XKR4: variants seen among roughly 807,000 people sequenced by gnomAD.
XKR4 encodes the protein XK-related protein 4.
A neutral mutation model predicts 53.9 loss-of-function variants in XKR4; 12 were observed. The observed-to-expected ratio is 0.22, with a 90% CI of 0.14 to 0.36. XKR4 has a LOEUF of 0.36. Among genes scored for constraint, XKR4 ranks in the 10% least tolerant of loss-of-function variants. The pLI is 1.00. For synonymous variants in XKR4, 354 were observed against 362.4 expected, an observed-to-expected ratio of 0.98 and a Z score of 0.26; for missense variants, 799 against 859.5, an observed-to-expected ratio of 0.93 and a Z score of 0.88.
intron 1 of XKR4, among the ~76,000 whole-genome samples, chr8:55,326,841 G>T (rs1803302436): frequency 6.6e-6 from 1 of 151,690 alleles, no homozygotes; most frequent in Non-Finnish European, 1.5e-5. Context: ...GATTATATTT[G>T]AGTTTTTATG....
At chr8:55,239,352 C>G (rs976356716) in intron 1 of XKR4, among the ~76,000 whole-genome samples, 1 of 152,172 alleles carries the variant, frequency 6.6e-6, no homozygotes, top group African/African-American at 2.4e-5. Flanking sequence ...ATCAATAAAG[C>G]CTGTGCTCAA....
At chr8:55,123,584 G>C (rs1816421328) in intron 1 of XKR4, among the ~76,000 whole-genome samples, 1 of 152,196 alleles carries the variant, frequency 6.6e-6, no homozygotes, top group Admixed American at 6.5e-5. Flanking sequence ...CTCAGGAGCA[G>C]CTATCCACTG....
chr8:55,351,150 A>G (rs1027495525), intron 1 of XKR4, among the ~76,000 whole-genome samples: 7 of 152,236 alleles, frequency 4.6e-5, no homozygotes, highest in African/African-American at 1.7e-4. Flanking sequence ...TAAAATAATT[A>G]GGACGGTAAA....
chr8:55,162,573 C>A (rs190658470), intron 1 of XKR4, among the ~76,000 whole-genome samples: 226 of 152,228 alleles, frequency 1.5e-3, no homozygotes, highest in African/African-American at 5.2e-3. Flanking sequence ...ACATACTAGT[C>A]GTTGAATAAA....
intron 2 of XKR4, chr8:55,450,170 G>A: frequency 1.5e-6 from 1 of 669,824 alleles, no homozygotes; most frequent in Non-Finnish European, 2.7e-6. Context: ...GCGTCAGGCT[G>A]GGCTCGGGGG....
chr8:55,527,829 C>A lies in XKR4; in HGVS notation c.*3602C>A, dbSNP rs115763795. 4.9e-3 allele frequency: 744 copies of A among 152,264 alleles called. 7 individuals carry two copies. Among genetic ancestry groups the A allele is most frequent in the African/African-American group, 0.016 (685 of 41,552 alleles). The allele number at this position is 152,264 out of a possible 1,614,324, so 9.4% of individuals were successfully genotyped here. On this transcript the variant is annotated 3_prime_UTR_variant, in exon 3 of 3. Coordinates refer to ENST00000327381, the MANE Select transcript of XKR4 (RefSeq NM_052898.2). ...AAATGAAGTATTTTATGGTTAATTT[C>A]TAAATGCCCAATTTATTTTGCTCTA...
At chr8:55,411,278 A>G (rs1204208210) in intron 2 of XKR4, among the ~76,000 whole-genome samples, 2 of 152,144 alleles carry the variant, frequency 1.3e-5, no homozygotes, top group African/African-American at 4.8e-5. Context: ...GACCTGAGAG[A>G]TGAGGATCAT....
At chr8:55,309,705 C>T (rs189085814) in intron 1 of XKR4, among the ~76,000 whole-genome samples, 1 of 152,280 alleles carries the variant, frequency 6.6e-6, no homozygotes, top group Non-Finnish European at 1.5e-5. Context: ...TACAAGAGAT[C>T]TCTGTATCAC....
At chr8:55,410,668 G>A (rs368084401) in intron 2 of XKR4, among the ~76,000 whole-genome samples, 20 of 149,112 alleles carry the variant, frequency 1.3e-4, no homozygotes, top group Non-Finnish European at 2.4e-4. Context: ...CCTCTCCCCC[G>A]GGACCCTGAT....
chr8:55,166,111 G>T (rs1177137976), intron 1 of XKR4, among the ~76,000 whole-genome samples: 1 of 152,188 alleles, frequency 6.6e-6, no homozygotes, highest in Non-Finnish European at 1.5e-5. Context: ...TGCAAATGAG[G>T]TGGGGGAGGG....
At chr8:55,164,293 G>C in intron 1 of XKR4, 1 of 456,020 alleles carries the variant, frequency 2.2e-6, no homozygotes, top group South Asian at 1.6e-5. Context: ...CATTCTCCTA[G>C]TGGGCAGGAT....
At chr8:55,147,954 T>C (rs894623979) in intron 1 of XKR4, among the ~76,000 whole-genome samples, 4 of 152,168 alleles carry the variant, frequency 2.6e-5, no homozygotes. Context: ...GACAAGACTC[T>C]TGGACTCTCA....
intron 1 of XKR4, among the ~76,000 whole-genome samples, chr8:55,163,779 AG>A (rs1449785021): frequency 6.6e-6 from 1 of 152,208 alleles, no homozygotes; most frequent in Admixed American, 6.5e-5. Context: ...CAGGAGGCAT[AG>A]GTTGCAGTGA....
intron 1 of XKR4, among the ~76,000 whole-genome samples, chr8:55,314,450 G>A (rs920576403): frequency 1.3e-5 from 2 of 152,126 alleles, no homozygotes; most frequent in African/African-American, 2.4e-5. Context: ...AGGAACAGCA[G>A]GAGAGGCCAC....
At chr8:55,436,114 T>C (rs1207950250) in intron 2 of XKR4, among the ~76,000 whole-genome samples, 6 of 152,210 alleles carry the variant, frequency 3.9e-5, no homozygotes, top group African/African-American at 1.2e-4. Context: ...TGTTAATCTT[T>C]AATGTACAAG....
intron 2 of XKR4, among the ~76,000 whole-genome samples, chr8:55,430,495 G>T (rs1805085841): frequency 6.6e-6 from 1 of 152,162 alleles, no homozygotes; most frequent in African/African-American, 2.4e-5. Flanking sequence ...GCAGACGATT[G>T]GTTGCCAGAG....
At position 55,289,633 on chromosome 8, in the gene XKR4, GAAA is replaced by G. The variant is rs1563316413; in HGVS notation, c.807-68044_807-68042del. Reference sequence around the variant, plus strand: ...AGAAAGAAAGAAAGAAAGAAAGAAAGAAAGAAAGAAAGAAAGGAAGGAAGGAAA... The same window carrying G: ...AGAAAGAAAGAAAGAAAGAAAGAAAGGAAAGAAAGAAAGGAAGGAAGGAAA... On this transcript the variant is annotated intron_variant, in intron 1 of 2. Coordinates refer to ENST00000327381, the MANE Select transcript of XKR4 (RefSeq NM_052898.2). 4.0e-3 allele frequency among the ~76,000 whole-genome samples: 459 copies of G among 115,348 alleles called. 17 individuals carry two copies. Among genetic ancestry groups the G allele is most frequent in the East Asian group, 0.015 (61 of 4,060 alleles). The allele number at this position is 115,348 out of a possible 152,430, so 75.7% of individuals were successfully genotyped here. A position where few individuals can be genotyped will look rare whatever the true frequency, so the allele number is the denominator to read the frequency against.
At chr8:55,296,314 T>C (rs994469329) in intron 1 of XKR4, among the ~76,000 whole-genome samples, 1 of 152,192 alleles carries the variant, frequency 6.6e-6, no homozygotes, top group Non-Finnish European at 1.5e-5. Flanking sequence ...CCTCAGCTAC[T>C]GCTAGTGAGG....
At chr8:55,180,551 G>GAGAAAAAA (rs1817294268) in intron 1 of XKR4, among the ~76,000 whole-genome samples, 1 of 151,002 alleles carries the variant, frequency 6.6e-6, no homozygotes, top group Non-Finnish European at 1.5e-5. Context: ...TTTTTTCTTT[G>GAGAAAAAA]AGACGAAGTC....
Sources: allele counts gnomAD v4.1 joint callset (sites outside exome capture counted in the v4.1 genomes callset), GRCh38; gene constraint gnomAD v4.1.1; transcripts MANE v1.5; gene names NCBI Gene and HGNC (gene_info 2026-07-23, HGNC 2026-07-21).